Variants in NUBPL observed in about 807,000 individuals in gnomAD.
NUBPL encodes NUBP iron-sulfur cluster assembly factor, mitochondrial, also known as iron-sulfur cluster transfer protein NUBPL.
Under a neutral mutation model 45.7 loss-of-function variants are expected in NUBPL, and 31 were observed. That is an observed-to-expected ratio of 0.68 (90% confidence interval 0.51 to 0.92). The LOEUF is 0.92. NUBPL is among the 40% of genes least tolerant of loss of function. The pLI is 0.00. For missense variants in NUBPL, 401 were observed against 398.7 expected (o/e 1.01, Z -0.05); for synonymous variants, 144 against 140.9 (o/e 1.02, Z -0.15).
intron 4 of NUBPL, among the ~76,000 whole-genome samples, chr14:31,618,624 A>G (rs566821187): frequency 1.3e-5 from 2 of 152,212 alleles, no homozygotes; most frequent in South Asian, 4.2e-4. Context: ...ATTTGATTGC[A>G]CTGTGGTTGC....
chr14:31,607,993 A>T (rs1036604735), intron 4 of NUBPL, among the ~76,000 whole-genome samples: 1 of 152,230 alleles, frequency 6.6e-6, no homozygotes, highest in African/African-American at 2.4e-5. Flanking sequence ...AAAAGCAGCA[A>T]GAGAAAAGAA....
At chr14:31,637,808 C>T (rs2035551637) in intron 4 of NUBPL, among the ~76,000 whole-genome samples, 3 of 151,012 alleles carry the variant, frequency 2.0e-5, no homozygotes, top group South Asian at 2.1e-4. Context: ...ATAGTTAGCT[C>T]TTCTTGTTGA....
At chr14:31,806,398 G>A (rs1231680691) in intron 7 of NUBPL, among the ~76,000 whole-genome samples, 1 of 151,992 alleles carries the variant, frequency 6.6e-6, no homozygotes, top group Non-Finnish European at 1.5e-5. Context: ...AGCAAGCTGA[G>A]CTATATGTGC....
At chr14:31,651,936 G>A (rs1488521953) in intron 4 of NUBPL, among the ~76,000 whole-genome samples, 1 of 151,426 alleles carries the variant, frequency 6.6e-6, no homozygotes, top group African/African-American at 2.4e-5. Flanking sequence ...AATCTGCAAA[G>A]GATCTGAATA....
intron 9 of NUBPL, among the ~76,000 whole-genome samples, chr14:31,848,916 GA>G (rs2040495552): frequency 2.0e-5 from 3 of 152,036 alleles, no homozygotes; most frequent in Admixed American, 2.0e-4. Flanking sequence ...AAATTGAGAG[GA>G]AAAAAATTTC....
At chr14:31,563,033 T>C (rs371560319) in intron 2 of NUBPL, 68 of 152,776 alleles carry the variant, frequency 4.5e-4, no homozygotes, top group African/African-American at 1.6e-3. Flanking sequence ...TACTATTTGA[T>C]AGATACCATA....
chr14:31,638,687 C>T lies in NUBPL; in HGVS notation c.383-34668C>T, dbSNP rs1410831145. Among the ~76,000 whole-genome samples the T allele has an allele frequency of 3.9e-5, 6 of 152,146 alleles. No homozygotes were observed. In the East Asian group the frequency reaches 1.2e-3, roughly 29 times the overall value. On this transcript the variant is annotated intron_variant, in intron 4 of 10. Transcript: ENST00000281081. Reference sequence around the variant, plus strand: ...AGGATAACATCCTGCAGAGTGTTTTCCAACTTGGTTCCATTCTCCCTGTCA... The same window carrying T: ...AGGATAACATCCTGCAGAGTGTTTTTCAACTTGGTTCCATTCTCCCTGTCA...
chr14:31,691,821 C>G (rs1215547825), intron 6 of NUBPL, among the ~76,000 whole-genome samples: 1 of 152,180 alleles, frequency 6.6e-6, no homozygotes, highest in Non-Finnish European at 1.5e-5. Context: ...CTTTACCAAC[C>G]TCTGCAGCTT....
Position 31,859,225 on chromosome 14 carries a change from G to A in NUBPL, c.*45G>A. 6.8e-7 allele frequency: 1 copy of A among 1,476,342 alleles called. No individual in the cohort carries two copies. The highest frequency in any genetic ancestry group is 9.5e-7 in the Non-Finnish European group (1 of 1,054,982). The allele number at this position is 1,476,342 out of a possible 1,614,324, so 91.5% of individuals were successfully genotyped here. On this transcript the variant is annotated 3_prime_UTR_variant, in exon 11 of 11. Transcript: ENST00000281081. ...ATTTGCCTGGTACTGACATTAAGAGGACCTTTGGAAATCAGCAATGTGGTG... is the reference window on the plus strand; with the variant it reads ...ATTTGCCTGGTACTGACATTAAGAGAACCTTTGGAAATCAGCAATGTGGTG...
At chr14:31,738,535 A>G (rs771445203) in intron 6 of NUBPL, among the ~76,000 whole-genome samples, 4 of 152,180 alleles carry the variant, frequency 2.6e-5, no homozygotes, top group Non-Finnish European at 5.9e-5. Context: ...TTATCTCTCT[A>G]TAAATTTTTT....
chr14:31,815,712 C>G (rs2039901228), intron 7 of NUBPL, among the ~76,000 whole-genome samples: 1 of 144,818 alleles, frequency 6.9e-6, no homozygotes, highest in Admixed American at 7.1e-5. Flanking sequence ...TACATTCCAT[C>G]AATACTTAGT....
intron 4 of NUBPL, among the ~76,000 whole-genome samples, chr14:31,625,098 T>C (rs1017410192): frequency 2.0e-5 from 3 of 152,104 alleles, no homozygotes; most frequent in African/African-American, 7.2e-5. Flanking sequence ...TTGGGAAATA[T>C]TAGCCTAAGG....
intron 9 of NUBPL, among the ~76,000 whole-genome samples, chr14:31,848,721 T>A (rs2040491718): frequency 6.6e-6 from 1 of 152,176 alleles, no homozygotes; most frequent in Admixed American, 6.5e-5. Flanking sequence ...ACGCACCTAT[T>A]TTTAACAAGA....
chr14:31,630,037 G>C (rs538066500), intron 4 of NUBPL, among the ~76,000 whole-genome samples: 1 of 152,092 alleles, frequency 6.6e-6, no homozygotes, highest in African/African-American at 2.4e-5. Flanking sequence ...ACATTTAAAG[G>C]TGCTCCATAA....
intron 7 of NUBPL, among the ~76,000 whole-genome samples, chr14:31,791,330 GATTT>G (rs1380726267): frequency 2.3e-4 from 35 of 152,228 alleles, no homozygotes; most frequent in African/African-American, 7.5e-4. Flanking sequence ...TTTATTTTAT[GATTT>G]ATTAATAAAC....
chr14:31,574,347 C>T (rs976905682), intron 3 of NUBPL, among the ~76,000 whole-genome samples: 1 of 151,612 alleles, frequency 6.6e-6, no homozygotes, highest in African/African-American at 2.4e-5. Flanking sequence ...TCACTGTAAC[C>T]TCTGTCTCCC....
At chr14:31,839,927 C>G (rs777894180) in intron 8 of NUBPL, among the ~76,000 whole-genome samples, 7 of 151,924 alleles carry the variant, frequency 4.6e-5, no homozygotes, top group Non-Finnish European at 1.0e-4. Flanking sequence ...CTATTATCCC[C>G]TCATACCTGT....
intron 4 of NUBPL, among the ~76,000 whole-genome samples, chr14:31,619,029 C>A (rs2034987998): frequency 6.6e-6 from 1 of 152,078 alleles, no homozygotes. Context: ...TTGATGACTT[C>A]ATCATTATGT....
At chr14:31,686,229 T>C (rs1206841706) in intron 6 of NUBPL, among the ~76,000 whole-genome samples, 2 of 152,196 alleles carry the variant, frequency 1.3e-5, no homozygotes, top group Non-Finnish European at 2.9e-5. Context: ...GATTAGTAAC[T>C]GGTGTGGCAG....
Sources: allele counts gnomAD v4.1 joint callset (sites outside exome capture counted in the v4.1 genomes callset), GRCh38; gene constraint gnomAD v4.1.1; transcripts MANE v1.5; gene names NCBI Gene and HGNC (gene_info 2026-07-23, HGNC 2026-07-21).